The following TBC1D19 variants were observed in gnomAD, a reference collection of about 807,000 sequenced individuals.
TBC1D19 encodes the protein TBC1 domain family, member 19.
TBC1D19 carries 60 observed loss-of-function variants against 89.0 expected under a neutral mutation model. The observed-to-expected ratio is 0.67, with a 90% confidence interval of 0.55 to 0.84. The LOEUF is 0.84. TBC1D19 is among the 40% of genes least tolerant of loss of function. The pLI is 0.00. For synonymous variants in TBC1D19, 189 were observed against 199.7 expected (o/e 0.95, Z 0.45); for missense variants, 500 against 610.8 (o/e 0.82, Z 1.91).
intron 13 of TBC1D19, among the ~76,000 whole-genome samples, chr4:26,697,278 A>G (rs1033547094): frequency 2.0e-5 from 3 of 152,230 alleles, no homozygotes; most frequent in African/African-American, 7.2e-5. Context: ...AAATTCCTGG[A>G]CACAAACACC....
chr4:26,707,456 A>G (rs1056556669), intron 13 of TBC1D19, among the ~76,000 whole-genome samples: 8 of 151,982 alleles, frequency 5.3e-5, no homozygotes, highest in African/African-American at 1.9e-4. Context: ...TATAGATCAC[A>G]TGTAGTTTTG....
At chr4:26,800,921 G>A in the TBC1D19 span, among the ~76,000 whole-genome samples, 1 of 152,300 alleles carries the variant, frequency 6.6e-6, no homozygotes, top group Middle Eastern at 3.4e-3. Flanking sequence ...TTTGTCAGAT[G>A]AGTAGAATGC....
chr4:26,596,982 C>G (rs1740262709), intron 1 of TBC1D19, among the ~76,000 whole-genome samples: 2 of 152,122 alleles, frequency 1.3e-5, no homozygotes, highest in African/African-American at 4.8e-5. Context: ...CTTTATAGCC[C>G]AGAATATACT....
chr4:26,686,688 C>G (rs1265621656), intron 12 of TBC1D19, among the ~76,000 whole-genome samples: 1 of 152,120 alleles, frequency 6.6e-6, no homozygotes. Flanking sequence ...CCCACAGAGG[C>G]AATAGTATCC....
chr4:26,832,215 A>AT, the TBC1D19 span, among the ~76,000 whole-genome samples: 1 of 152,188 alleles, frequency 6.6e-6, no homozygotes, highest in African/African-American at 2.4e-5. Flanking sequence ...AGGAAATCAG[A>AT]TTTTTTGGCA....
rs375795366 is a variant in TBC1D19 at position 26,595,354 on chromosome 4, A to G, written c.99+11062A>G. Among the ~76,000 whole-genome samples the G allele has an allele frequency of 3.9e-5, 6 of 152,248 alleles. No individual in the cohort carries two copies. In the South Asian group the frequency reaches 8.3e-4, roughly 21 times the overall value. ...ATTGTTTTGCAAATATTTTCTTCCA[A>G]TCTGTGGCTAGTCTTTTTATTTTCT... is the stretch of plus-strand genomic sequence containing the variant. On this transcript the variant is annotated intron_variant, in intron 1 of 20. Coordinates refer to ENST00000264866, the MANE Select transcript of TBC1D19 (RefSeq NM_018317.4).
chr4:26,717,174 T>C (rs1325014493), intron 13 of TBC1D19, among the ~76,000 whole-genome samples: 1 of 152,088 alleles, frequency 6.6e-6, no homozygotes, highest in African/African-American at 2.4e-5. Context: ...TCAGCCTGAC[T>C]CTGTGCACCT....
chr4:26,659,686 A>T lies in TBC1D19; in HGVS notation c.570A>T (p.Lys190Asn), dbSNP rs1451687747. The part of the protein sequence containing the change: ...THLGLIQVPL[K>N]VKDIPELKEC... ...TGGGTTTAATTCAAGTTCCACTGAA[A>T]GTAAAAGACATCCCTGAATTGGTAA... The change falls in exon 8 of 21, where the codon AAA becomes AAT. Residue 190 changes from lysine (K) to asparagine (N), a missense_variant. By Grantham distance (94) the Lys-to-Asn change is moderately conservative. Around this residue, in one of 2 missense-constraint regions of TBC1D19, gnomAD observed 280 missense variants for 291.7 expected, o/e 0.96. Coordinates refer to ENST00000264866, the MANE Select transcript of TBC1D19 (RefSeq NM_018317.4). The T allele has an allele frequency of 8.2e-6, 13 of 1,583,750 alleles. No individual in the cohort carries two copies. Among genetic ancestry groups the T allele is most frequent in the Non-Finnish European group, 1.1e-5 (13 of 1,158,620 alleles).
At chr4:26,846,629 A>T in the TBC1D19 span, among the ~76,000 whole-genome samples, 1 of 152,138 alleles carries the variant, frequency 6.6e-6, no homozygotes, top group African/African-American at 2.4e-5. Context: ...TATATAATTT[A>T]TTTTAAGCTT....
chr4:26,727,996 A>G (rs1717416415), intron 15 of TBC1D19, among the ~76,000 whole-genome samples: 1 of 152,232 alleles, frequency 6.6e-6, no homozygotes, highest in African/African-American at 2.4e-5. Context: ...GGGGAAATGT[A>G]GTAAAAGTGG....
chr4:26,616,167 C>G (rs1042626034), intron 3 of TBC1D19, among the ~76,000 whole-genome samples: 1 of 152,072 alleles, frequency 6.6e-6, no homozygotes, highest in African/African-American at 2.4e-5. Flanking sequence ...ATTACACTTT[C>G]ATTACCGATA....
chr4:26,593,650 ACAAT>A (rs922778996), intron 1 of TBC1D19, among the ~76,000 whole-genome samples: 5 of 152,322 alleles, frequency 3.3e-5, no homozygotes, highest in Admixed American at 6.5e-5. Context: ...CAAGAAAAAA[ACAAT>A]CAACCCCATC....
chr4:26,745,756 C>A (rs1718616612), intron 18 of TBC1D19, among the ~76,000 whole-genome samples: 1 of 151,884 alleles, frequency 6.6e-6, no homozygotes, highest in African/African-American at 2.4e-5. Flanking sequence ...AGGCAATCTG[C>A]CTGCCTTGGC....
intron 5 of TBC1D19, among the ~76,000 whole-genome samples, chr4:26,637,893 C>T (rs989734562): frequency 3.3e-5 from 5 of 152,094 alleles, no homozygotes; most frequent in Admixed American, 2.6e-4. Context: ...ATTTTAATTA[C>T]CTTTAGTCTC....
intron 9 of TBC1D19, among the ~76,000 whole-genome samples, 184 bp from the exon 10 acceptor site, chr4:26,671,965 G>A (rs1219422236): frequency 6.6e-6 from 1 of 151,618 alleles, no homozygotes. Flanking sequence ...TCATAACTCT[G>A]TTTTAATTTT....
At chr4:26,713,725 A>G (rs915408601) in intron 13 of TBC1D19, among the ~76,000 whole-genome samples, 1 of 152,122 alleles carries the variant, frequency 6.6e-6, no homozygotes, top group Non-Finnish European at 1.5e-5. Context: ...GAGTTAGGCA[A>G]CATAAGGTAT....
chr4:26,838,340 T>C, the TBC1D19 span, among the ~76,000 whole-genome samples: 12 of 152,242 alleles, frequency 7.9e-5, no homozygotes, highest in Admixed American at 2.0e-4. Context: ...TGAAAGTATT[T>C]ATTAGTGTCA....
At chr4:26,594,371 A>C (rs112115263) in intron 1 of TBC1D19, among the ~76,000 whole-genome samples, 1 of 152,120 alleles carries the variant, frequency 6.6e-6, no homozygotes, top group Non-Finnish European at 1.5e-5. Context: ...GGATAGCATT[A>C]GGAGATATAC....
At chr4:26,591,424 T>C (rs112727442) in intron 1 of TBC1D19, among the ~76,000 whole-genome samples, 1 of 152,028 alleles carries the variant, frequency 6.6e-6, no homozygotes, top group Non-Finnish European at 1.5e-5. Context: ...AGAAACTCAG[T>C]TATATGTAAG....
Sources: gnomAD v4.1 joint callset for allele counts (sites outside exome capture counted in the v4.1 genomes callset) on GRCh38, gnomAD v4.1.1 for gene constraint, gnomAD v4.1.1 regional missense constraint, MANE v1.5 for transcripts, NCBI Gene and HGNC (gene_info 2026-07-23, HGNC 2026-07-21) for gene names.